Variants in PTPN4 observed in about 807,000 individuals in gnomAD.
The protein encoded by PTPN4 is tyrosine-protein phosphatase non-receptor type 4.
A neutral mutation model predicts 135.5 loss-of-function variants in PTPN4; 49 were observed. That is an observed-to-expected ratio of 0.36 (90% CI 0.29 to 0.46). PTPN4 has a LOEUF of 0.46. PTPN4 is among the 20% of genes least tolerant of loss of function. The pLI, the probability that PTPN4 is intolerant of heterozygous loss-of-function variation, is 1.00. For synonymous variants in PTPN4, 333 were observed against 369.9 expected, an observed-to-expected ratio of 0.90 and a Z score of 1.14; for missense variants, 860 against 1,101.0, an observed-to-expected ratio of 0.78 and a Z score of 3.10.
intron 9 of PTPN4, among the ~76,000 whole-genome samples, chr2:119,889,874 C>T (rs1678215865): frequency 6.6e-6 from 1 of 151,962 alleles, no homozygotes; most frequent in Non-Finnish European, 1.5e-5. Flanking sequence ...CTTAATTGAC[C>T]CAATGGTCAT....
At chr2:119,912,692 C>T (rs1678591789) in intron 10 of PTPN4, among the ~76,000 whole-genome samples, 1 of 152,078 alleles carries the variant, frequency 6.6e-6, no homozygotes, top group African/African-American at 2.4e-5. Flanking sequence ...ATATTGAAAA[C>T]ATCAAACTGA....
At chr2:119,837,281 T>C (rs1419079629) in intron 2 of PTPN4, among the ~76,000 whole-genome samples, 1 of 152,124 alleles carries the variant, frequency 6.6e-6, no homozygotes, top group African/African-American at 2.4e-5. Flanking sequence ...TCCTCGACTC[T>C]TCGAGGCAAT....
chr2:119,777,334 A>T (rs994356675), intron 1 of PTPN4, among the ~76,000 whole-genome samples: 4 of 152,084 alleles, frequency 2.6e-5, no homozygotes, highest in African/African-American at 9.7e-5. Context: ...TTTCCTGAGC[A>T]CCCTATTTAA....
intron 1 of PTPN4, among the ~76,000 whole-genome samples, chr2:119,766,540 G>T (rs761016281): frequency 4.0e-5 from 6 of 151,350 alleles, no homozygotes; most frequent in Non-Finnish European, 7.4e-5. Flanking sequence ...TTGCGTTACT[G>T]GTGCCCTAAA....
At chr2:119,811,475 A>C (rs1160808034) in intron 2 of PTPN4, among the ~76,000 whole-genome samples, 1 of 152,186 alleles carries the variant, frequency 6.6e-6, no homozygotes, top group African/African-American at 2.4e-5. Context: ...TTTGTATTCT[A>C]TCATCTGTTA....
At chr2:119,812,806 T>C (rs536485730) in intron 2 of PTPN4, among the ~76,000 whole-genome samples, 2 of 152,330 alleles carry the variant, frequency 1.3e-5, no homozygotes, top group Admixed American at 6.5e-5. Context: ...TTAAATACTT[T>C]AAAATGCATA....
At chr2:119,838,978 G>A (rs1677339483) in intron 2 of PTPN4, among the ~76,000 whole-genome samples, 1 of 152,110 alleles carries the variant, frequency 6.6e-6, no homozygotes, top group Non-Finnish European at 1.5e-5. Flanking sequence ...CCTTTTGCCT[G>A]TGAGTTTTCT....
intron 13 of PTPN4, among the ~76,000 whole-genome samples, chr2:119,931,245 A>T (rs902964624): frequency 6.6e-6 from 1 of 152,034 alleles, no homozygotes; most frequent in African/African-American, 2.4e-5. Context: ...TTAACTCTGC[A>T]CTTCATAAAG....
At chr2:119,864,260 C>T (rs1677800742) in intron 3 of PTPN4, among the ~76,000 whole-genome samples, 1 of 152,074 alleles carries the variant, frequency 6.6e-6, no homozygotes, top group African/African-American at 2.4e-5. Context: ...CAAGTAGCTT[C>T]AAGAGGTAAC....
At chr2:119,919,368 G>A (rs936799778) in intron 11 of PTPN4, among the ~76,000 whole-genome samples, 1 of 152,076 alleles carries the variant, frequency 6.6e-6, no homozygotes, top group Non-Finnish European at 1.5e-5. Flanking sequence ...TTTTAAATTA[G>A]GAATATTGTT....
At chr2:119,779,045 A>G (rs1483807127) in intron 1 of PTPN4, among the ~76,000 whole-genome samples, 1 of 152,202 alleles carries the variant, frequency 6.6e-6, no homozygotes, top group Non-Finnish European at 1.5e-5. Context: ...ACCTGTTGCT[A>G]CATTTGAATT....
intron 25 of PTPN4, 75 bp downstream of exon 25, chr2:119,965,720 T>C: frequency 6.7e-7 from 1 of 1,492,878 alleles, no homozygotes; most frequent in Non-Finnish European, 9.1e-7. Context: ...ACATATTTTG[T>C]CCTTATGGTG....
chr2:119,959,294 A>G (rs915707162), intron 22 of PTPN4, among the ~76,000 whole-genome samples: 3 of 152,220 alleles, frequency 2.0e-5, no homozygotes, highest in Non-Finnish European at 4.4e-5. Flanking sequence ...TAGAAAAATA[A>G]TATCAGAGTT....
At chr2:119,959,344 A>G (rs1451030925) in intron 22 of PTPN4, among the ~76,000 whole-genome samples, 3 of 152,256 alleles carry the variant, frequency 2.0e-5, no homozygotes, top group East Asian at 3.8e-4. Context: ...GAAAAGTGCA[A>G]ATGAAAACTT....
At position 119,962,923 on chromosome 2, in the gene PTPN4, T is replaced by C. The variant is rs561836756; in HGVS notation, c.2409+179T>C. 1.2e-4 allele frequency among the ~76,000 whole-genome samples: 18 copies of C among 152,330 alleles called. No individual in the cohort carries two copies. The South Asian group carries it at 3.5e-3, about 30-fold the overall frequency. ...TTAAGAGTATTATCCTATTCTATTA[T>C]AAAATTAATGTTTTTCTTTAGTTTC... On this transcript the variant is annotated intron_variant, in intron 24 of 26. Transcript: ENST00000263708.
intron 2 of PTPN4, among the ~76,000 whole-genome samples, chr2:119,832,053 T>C (rs1677227304): frequency 6.6e-6 from 1 of 152,238 alleles, no homozygotes; most frequent in African/African-American, 2.4e-5. Flanking sequence ...TCTGTGAGAA[T>C]AGCTCATAGA....
chr2:119,850,235 C>T (rs922845886), intron 2 of PTPN4, among the ~76,000 whole-genome samples: 1 of 152,228 alleles, frequency 6.6e-6, no homozygotes, highest in Non-Finnish European at 1.5e-5. Context: ...GGGGTGGGGA[C>T]AGTGTTCGGC....
intron 1 of PTPN4, among the ~76,000 whole-genome samples, chr2:119,789,338 C>T (rs1414020754): frequency 6.6e-6 from 1 of 152,178 alleles, no homozygotes; most frequent in Non-Finnish European, 1.5e-5. Flanking sequence ...TCATCTGATA[C>T]ATGATTGGCA....
intron 2 of PTPN4, among the ~76,000 whole-genome samples, chr2:119,841,746 CT>C (rs1489100578): frequency 6.6e-6 from 1 of 152,174 alleles, no homozygotes; most frequent in Non-Finnish European, 1.5e-5. Context: ...ACTCAGCAGC[CT>C]TCTAAAGTAA....
Sources: allele counts gnomAD v4.1 joint callset (sites outside exome capture counted in the v4.1 genomes callset), GRCh38; gene constraint gnomAD v4.1.1; transcripts MANE v1.5; gene names NCBI Gene and HGNC (gene_info 2026-07-23, HGNC 2026-07-21).